Variants in ABCA13 observed in about 807,000 individuals in gnomAD.
The protein encoded by ABCA13 is ATP binding cassette subfamily A member 13.
ABCA13 carries 476 observed loss-of-function variants against 478.7 expected under a neutral mutation model. That is an observed-to-expected ratio of 0.99 (90% confidence interval 0.92 to 1.07). ABCA13 has a LOEUF of 1.07. ABCA13 is among the 50% of genes least tolerant of loss of function. ABCA13 has a pLI of 0.00. For synonymous variants in ABCA13, 2,252 were observed against 2,158.9 expected (o/e 1.04, Z -1.20); for missense variants, 6,060 against 5,910.6 (o/e 1.03, Z -0.83).
At chr7:48,263,262 G>T (rs1794436027) in intron 15 of ABCA13, among the ~76,000 whole-genome samples, 1 of 151,910 alleles carries the variant, frequency 6.6e-6, no homozygotes. Flanking sequence ...TCATCATTAG[G>T]TTATACATTC....
chr7:48,531,160 T>G (rs1365212638), intron 55 of ABCA13, among the ~76,000 whole-genome samples: 1 of 152,182 alleles, frequency 6.6e-6, no homozygotes. Flanking sequence ...TGAGTTGATG[T>G]TTGTATAAGG....
At chr7:48,175,055 A>G (rs1350908264) in intron 1 of ABCA13, among the ~76,000 whole-genome samples, 1 of 152,218 alleles carries the variant, frequency 6.6e-6, no homozygotes, top group African/African-American at 2.4e-5. Flanking sequence ...GGTGGAGATC[A>G]GTTGACAATG....
chr7:48,558,392 G>A (rs964529523), intron 55 of ABCA13, among the ~76,000 whole-genome samples: 2 of 151,512 alleles, frequency 1.3e-5, no homozygotes, highest in African/African-American at 2.4e-5. Context: ...TGCTTCCCAG[G>A]TTCAAGTGAC....
chr7:48,260,937 A>G (rs1397250990), intron 15 of ABCA13, among the ~76,000 whole-genome samples: 1 of 151,522 alleles, frequency 6.6e-6, no homozygotes, highest in African/African-American at 2.4e-5. Context: ...TCTTCCAGCA[A>G]CTTTTTCAGG....
At chr7:48,462,452 C>CA (rs1057140105) in intron 43 of ABCA13, among the ~76,000 whole-genome samples, 2 of 151,894 alleles carry the variant, frequency 1.3e-5, no homozygotes, top group African/African-American at 4.8e-5. Context: ...TTCCCCCCCC[C>CA]CTACTGTTTC....
At chr7:48,183,325 G>T (rs969884824) in intron 1 of ABCA13, among the ~76,000 whole-genome samples, 4 of 152,206 alleles carry the variant, frequency 2.6e-5, no homozygotes, top group Non-Finnish European at 5.9e-5. Context: ...GAGATTGTTT[G>T]TTCAAGACAG....
At chr7:48,453,726 C>T (rs1393127734) in intron 42 of ABCA13, among the ~76,000 whole-genome samples, 1 of 152,214 alleles carries the variant, frequency 6.6e-6, no homozygotes. Flanking sequence ...ACTTTTTCCT[C>T]AGCATCCCAA....
At chr7:48,516,654 G>A (rs1832137929) in intron 51 of ABCA13, 71 bp from the exon 52 acceptor site, 2 of 1,479,814 alleles carry the variant, frequency 1.4e-6, no homozygotes, top group South Asian at 1.2e-5. Flanking sequence ...GTCTTAGAAT[G>A]TATCTGCCAT....
chr7:48,411,047 CTTTTT>C (rs1819057666), intron 40 of ABCA13, among the ~76,000 whole-genome samples: 3 of 59,338 alleles, frequency 5.1e-5, no homozygotes, highest in Admixed American at 1.8e-4. Context: ...TTCTTTCTTT[CTTTTT>C]CTTTCTTTCT....
intron 42 of ABCA13, among the ~76,000 whole-genome samples, chr7:48,445,538 A>G (rs1353826928): frequency 6.6e-6 from 1 of 152,052 alleles, no homozygotes; most frequent in Non-Finnish European, 1.5e-5. Flanking sequence ...CCTGCCTGGA[A>G]TGCTGTCTAC....
At chr7:48,343,586 ATTTTC>A (rs1023832558) in intron 29 of ABCA13, among the ~76,000 whole-genome samples, 18 of 103,086 alleles carry the variant, frequency 1.7e-4, no homozygotes, top group African/African-American at 6.1e-4. Context: ...CTTTATATAG[ATTTTC>A]TTTTTTTTTT....
At chr7:48,487,452 TG>T (rs1477225675) in intron 47 of ABCA13, among the ~76,000 whole-genome samples, 1 of 152,144 alleles carries the variant, frequency 6.6e-6, no homozygotes, top group Non-Finnish European at 1.5e-5. Flanking sequence ...GCTCTGTTTT[TG>T]TTTCTGTACT....
intron 39 of ABCA13, among the ~76,000 whole-genome samples, chr7:48,408,983 T>A (rs1369672560): frequency 6.6e-6 from 1 of 152,336 alleles, no homozygotes; most frequent in Non-Finnish European, 1.5e-5. Flanking sequence ...CTAAGCATGA[T>A]GGCCTTGAGC....
rs1796231094 is a variant in ABCA13 at position 48,275,848 on chromosome 7, A to G, written c.6182A>G (p.Lys2061Arg). The G allele has an allele frequency of 6.2e-7, 1 of 1,613,332 alleles. No homozygotes were observed. Residue 2061 changes from lysine (K) to arginine (R), a missense_variant, in exon 17 of 62, where the codon AAG becomes AGG. Transcript: ENST00000435803. The part of the protein sequence containing the change: ...TPYNFEELWP[K>R]FQQIMKDLTQ... The stretch of plus-strand genomic sequence containing the variant: ...TACAACTTTGAAGAACTATGGCCCA[A>G]GTTTCAACAAATCATGAAAGACCTA...
chr7:48,296,635 T>C (rs1799417058), intron 21 of ABCA13, among the ~76,000 whole-genome samples: 1 of 152,010 alleles, frequency 6.6e-6, no homozygotes, highest in African/African-American at 2.4e-5. Flanking sequence ...AATTTTGTTT[T>C]TTTATTTTAA....
chr7:48,188,113 G>A (rs1418452050), intron 1 of ABCA13, among the ~76,000 whole-genome samples: 1 of 152,164 alleles, frequency 6.6e-6, no homozygotes, highest in African/African-American at 2.4e-5. Flanking sequence ...TATAGAAGGA[G>A]AAGATTGGAA....
At chr7:48,310,193 T>A (rs1259429425) in intron 24 of ABCA13, 52 bp downstream of exon 24, 5 of 1,549,310 alleles carry the variant, frequency 3.2e-6, no homozygotes, top group African/African-American at 2.7e-5. Context: ...TCTGCTGTGG[T>A]GGCTGCAGAT....
At chr7:48,386,901 A>T (rs777056208) in intron 35 of ABCA13, among the ~76,000 whole-genome samples, 13 of 152,186 alleles carry the variant, frequency 8.5e-5, no homozygotes, top group Non-Finnish European at 1.9e-4. Context: ...CTAACTAAAG[A>T]GCTTCTGCAC....
At chr7:48,292,739 C>T (rs1220767911) in intron 20 of ABCA13, among the ~76,000 whole-genome samples, 1 of 152,112 alleles carries the variant, frequency 6.6e-6, no homozygotes, top group East Asian at 1.9e-4. Flanking sequence ...TCCAGCACTG[C>T]CCCCACCCCT....
Sources: allele counts gnomAD v4.1 joint callset (sites outside exome capture counted in the v4.1 genomes callset), GRCh38; gene constraint gnomAD v4.1.1; transcripts MANE v1.5; gene names NCBI Gene and HGNC (gene_info 2026-07-23, HGNC 2026-07-21).